Variants in ZNF224 observed in about 807,000 individuals in gnomAD.
ZNF224 encodes zinc finger protein 224.
Under a neutral mutation model 10.5 loss-of-function variants are expected in ZNF224, and 8 were observed. That is an observed-to-expected ratio of 0.76 (90% confidence interval 0.45 to 1.37). The LOEUF (loss-of-function observed/expected upper bound fraction) is 1.37, where lower values mean the gene tolerates loss of function less well. Among genes scored for constraint, ZNF224 ranks in the 40% most tolerant of loss-of-function variants. The pLI is 0.00. For synonymous variants in ZNF224, 282 were observed against 287.8 expected (o/e 0.98, Z 0.20); for missense variants, 754 against 854.0 (o/e 0.88, Z 1.46).
At chr19:44,102,380 T>TTTAACTC (rs1967567009) in intron 5 of ZNF224, among the ~76,000 whole-genome samples, 1 of 152,208 alleles carries the variant, frequency 6.6e-6, no homozygotes, top group South Asian at 2.1e-4. Context: ...TCTAAGGAAT[T>TTTAACTC]TTAACTCTTC....
At chr19:44,098,077 A>G (rs770666348) in intron 3 of ZNF224, among the ~76,000 whole-genome samples, 189 bp downstream of exon 3, 86 of 152,046 alleles carry the variant, frequency 5.7e-4, no homozygotes, top group Admixed American at 7.2e-4. Flanking sequence ...TTCTTCTATC[A>G]TTTATTCTAT....
rs777420548 is a variant in ZNF224 at position 44,100,825 on chromosome 19, G to C, written c.40G>C (p.Ala14Pro). ...GGAGGCAATGACCTTCAAGGACGTGGCTGTGGTCTTCACTGAGGAAGAGCT... is the reference window on the plus strand; with the variant it reads ...GGAGGCAATGACCTTCAAGGACGTGCCTGTGGTCTTCACTGAGGAAGAGCT... ...FKEAMTFKDV[A>P]VVFTEEELGL... The change falls in exon 4 of 6, where the codon GCT (alanine) becomes CCT (proline). Residue 14 changes from alanine to proline, a missense_variant. By Grantham distance (27) the Ala-to-Pro change is conservative. Transcript: ENST00000693561. The C allele has an allele frequency of 2.5e-6, 4 of 1,613,972 alleles. No individual in the cohort carries two copies. The South Asian group carries it at 4.4e-5, about 18-fold the overall frequency.
chr19:44,095,148 C>A (rs2147520756), intron 1 of ZNF224: 1 of 238,792 alleles, frequency 4.2e-6, no homozygotes, highest in Non-Finnish European at 8.9e-6. Context: ...CTTCTGAGGG[C>A]AAAGCTCTAC....
Position 44,109,023 on chromosome 19 carries a change from G to A in ZNF224, c.*739G>A, listed in dbSNP as rs1355168838. On this transcript the variant is annotated 3_prime_UTR_variant, in exon 6 of 6. Transcript: ENST00000693561. Reference sequence around the variant, plus strand: ...CCCCATCCTGTGCTCTGAAGTCAGAGTATTATTTGTGGCTCTATGAAATGT... The same window carrying A: ...CCCCATCCTGTGCTCTGAAGTCAGAATATTATTTGTGGCTCTATGAAATGT... The A allele has an allele frequency of 5.1e-6, 1 of 196,146 alleles. No homozygotes were observed. The highest frequency in any genetic ancestry group is 1.1e-5 in the Non-Finnish European group (1 of 92,698). The allele number at this position is 196,146 out of a possible 1,614,324, so 12.2% of individuals were successfully genotyped here. A position where few individuals can be genotyped will look rare whatever the true frequency, so the allele number is the denominator to read the frequency against.
In ZNF224 at chr19:44,101,139, A is replaced by G. The variant is rs1243125929; in HGVS notation, c.149A>G (p.Gln50Arg). Residue 50 changes from glutamine to arginine, a missense_variant, in exon 5 of 6, where the codon CAA becomes CGA. Coordinates refer to ENST00000693561, the MANE Select transcript of ZNF224 (RefSeq NM_001321645.3). Reference sequence around the variant, plus strand: ...TAAGTTTGCCTGTTTGCAGGACATCAAGCATTCCACAGGGATACTTTCCAC... The same window carrying G: ...TAAGTTTGCCTGTTTGCAGGACATCGAGCATTCCACAGGGATACTTTCCAC... ...NFRNLLSVGH[Q>R]AFHRDTFHFL... 1 of 1,614,122 alleles carries G rather than the reference A, an allele frequency of 6.2e-7. No individual in the cohort carries two copies. Among genetic ancestry groups the G allele is most frequent in the Non-Finnish European group, 8.5e-7 (1 of 1,180,006 alleles).
chr19:44,106,283 A>C, intron 5 of ZNF224, 113 bp from the exon 6 acceptor site: 1 of 1,134,700 alleles, frequency 8.8e-7, no homozygotes, highest in Non-Finnish European at 1.3e-6. Flanking sequence ...GAAAAATACA[A>C]ACTGAATGTT....
Position 44,108,530 on chromosome 19 carries a change from A to G in ZNF224, c.*246A>G. 1 of 519,570 alleles carries G rather than the reference A, an allele frequency of 1.9e-6. No homozygotes were observed. The highest frequency in any genetic ancestry group is 3.5e-6 in the Non-Finnish European group (1 of 285,126). 32.2% of individuals were successfully genotyped at this position (519,570 alleles called of 1,614,324 possible). Reference sequence around the variant, plus strand: ...GCCCCAGTAGTCTCAGGACCACCATAATGGAGAATCCTTGTAAATGGTGCA... The same window carrying G: ...GCCCCAGTAGTCTCAGGACCACCATGATGGAGAATCCTTGTAAATGGTGCA... On this transcript the variant is annotated 3_prime_UTR_variant, in exon 6 of 6. Transcript: ENST00000693561.
Position 44,108,407 on chromosome 19 carries a change from T to C in ZNF224, c.*123T>C. 1.0e-6 allele frequency: 1 copy of C among 994,348 alleles called. No individual in the cohort carries two copies. The highest frequency in any genetic ancestry group is 1.7e-5 in the South Asian group (1 of 58,110). The allele number at this position is 994,348 out of a possible 1,614,324, so 61.6% of individuals were successfully genotyped here. On this transcript the variant is annotated 3_prime_UTR_variant, in exon 6 of 6. Coordinates refer to ENST00000693561, the MANE Select transcript of ZNF224 (RefSeq NM_001321645.3). ...AGTAAGCACTTCCCTTTGAGTATTT[T>C]ATCTCTGAATCCATGCTGGTGATAA...
chr19:44,095,743 A>C (rs1164046236), intron 1 of ZNF224: 1 of 152,116 alleles, frequency 6.6e-6, no homozygotes, highest in Non-Finnish European at 1.5e-5. Context: ...ACATGGTGAA[A>C]CCGCATCTCT....
At chr19:44,098,558 G>A (rs1967487030) in intron 3 of ZNF224, among the ~76,000 whole-genome samples, 1 of 152,116 alleles carries the variant, frequency 6.6e-6, no homozygotes, top group Non-Finnish European at 1.5e-5. Flanking sequence ...TATATACTAA[G>A]GAATTTGACC....
At chr19:44,099,758 C>T (rs777740492) in intron 3 of ZNF224, among the ~76,000 whole-genome samples, 23 of 152,040 alleles carry the variant, frequency 1.5e-4, no homozygotes, top group Non-Finnish European at 2.6e-4. Flanking sequence ...AAATTGATAA[C>T]TTGCTTTTGG....
In ZNF224 at chr19:44,107,063, A is replaced by C. The variant is rs748770499; in HGVS notation, c.903A>C (p.Ser301=). Residue 301 remains serine (S), a synonymous_variant, in exon 6 of 6, where the codon TCA becomes TCC. Transcript: ENST00000693561. The stretch of plus-strand genomic sequence containing the variant: ...GTGGTAAGAGCTTCTGTGGTAGATC[A>C]AGACTTAATAGGCATTCCATGGTTC... ...DICGKSFCGR[S]RLNRHSMVHT... 2 of 1,601,716 alleles carry C rather than the reference A, an allele frequency of 1.2e-6. No individual in the cohort carries two copies. Among genetic ancestry groups the C allele is most frequent in the South Asian group, 2.2e-5 (2 of 88,980 alleles).
At position 44,106,546 on chromosome 19, in the gene ZNF224, A is replaced by AT. The variant is rs1967666236; in HGVS notation, c.389dup (p.Cys132LeufsTer4). On this transcript the variant is annotated frameshift_variant, in exon 6 of 6. Transcript: ENST00000693561. LOFTEE classifies it low-confidence loss of function (END_TRUNC). ...AGCTCTCAGTTCTCCAAAGAAGGTG[A>AT]TTTCCCCTGCCAGACTGAGGCAGGA... 2 of 1,614,178 alleles carry AT rather than the reference A, an allele frequency of 1.2e-6. No individual in the cohort carries two copies. The highest frequency in any genetic ancestry group is 4.5e-5 in the East Asian group (2 of 44,882).
In ZNF224 at chr19:44,106,946, T is replaced by C; in HGVS notation, c.786T>C (p.Cys262=). The stretch of plus-strand genomic sequence containing the variant: ...ACACAGGAGAGAAACCTTATAATTG[T>C]GAGGAATGCGGGAAGGCCTTCATTC... ...KLHTGEKPYN[C]EECGKAFIHD... is the part of the protein sequence containing the mutation. Residue 262 remains cysteine (C), a synonymous_variant, in exon 6 of 6, where the codon TGT becomes TGC. Transcript: ENST00000693561. 6.2e-7 allele frequency: 1 copy of C among 1,610,232 alleles called. No homozygotes were observed. The highest frequency in any genetic ancestry group is 8.5e-7 in the Non-Finnish European group (1 of 1,177,600).
rs754609436 is a variant in ZNF224 at position 44,108,464 on chromosome 19, T to C, written c.*180T>C. ...CCCATTCTTGGAAGAGGGAAAACAT[T>C]TGTTTAAGATAACATCAGTGCTTCA... is the stretch of plus-strand genomic sequence containing the variant. On this transcript the variant is annotated 3_prime_UTR_variant, in exon 6 of 6. Transcript: ENST00000693561. 7.3e-6 allele frequency: 5 copies of C among 687,682 alleles called. No homozygotes were observed. The highest frequency in any genetic ancestry group is 1.2e-5 in the Non-Finnish European group (5 of 421,124). The allele number at this position is 687,682 out of a possible 1,614,324, so 42.6% of individuals were successfully genotyped here. A position where few individuals can be genotyped will look rare whatever the true frequency, so the allele number is the denominator to read the frequency against.
intron 5 of ZNF224, among the ~76,000 whole-genome samples, chr19:44,104,665 ATT>A (rs72370521): frequency 8.2e-4 from 121 of 146,762 alleles, no homozygotes; most frequent in Non-Finnish European, 7.7e-4. Context: ...TGAGCCCTGT[ATT>A]TTTTTTTTTT....
At chr19:44,097,648 C>A (rs1220110284) in intron 2 of ZNF224, 158 bp from the exon 3 acceptor site, 4 of 521,258 alleles carry the variant, frequency 7.7e-6, no homozygotes, top group Non-Finnish European at 1.4e-5. Flanking sequence ...TATTCATTTA[C>A]CCACAGGAGG....
rs1239011960 is a variant in ZNF224 at position 44,108,027 on chromosome 19, C to A, written c.1867C>A (p.Pro623Thr). The A allele has an allele frequency of 1.2e-6, 2 of 1,614,050 alleles. No homozygotes were observed. Among genetic ancestry groups the A allele is most frequent in the African/African-American group, 2.7e-5 (2 of 74,918 alleles). The change falls in exon 6 of 6, where the codon CCT (proline) becomes ACT (threonine). Residue 623 changes from proline to threonine, a missense_variant. Coordinates refer to ENST00000693561, the MANE Select transcript of ZNF224 (RefSeq NM_001321645.3). ...TCAGAGACGCCACAGCAGAGAAACACCTCTCAAATGTGAGCAGCATGGGAA... is the reference window on the plus strand; with the variant it reads ...TCAGAGACGCCACAGCAGAGAAACAACTCTCAAATGTGAGCAGCATGGGAA... ...THQRRHSRET[P>T]LKCEQHGKNI... is the part of the protein sequence containing the mutation.
Sources: allele counts gnomAD v4.1 joint callset (sites outside exome capture counted in the v4.1 genomes callset), GRCh38; gene constraint gnomAD v4.1.1; transcripts MANE v1.5; gene names NCBI Gene and HGNC (gene_info 2026-07-23, HGNC 2026-07-21).